LIMS1: variants seen among roughly 807,000 people sequenced by gnomAD.
The protein encoded by LIMS1 is LIM zinc finger domain containing 1, also known as LIM and senescent cell antigen-like-containing domain protein 1.
A neutral mutation model predicts 44.1 loss-of-function variants in LIMS1; 18 were observed. That is an observed-to-expected ratio of 0.41 (90% CI 0.28 to 0.61). LIMS1 has a LOEUF of 0.61. Ranked by LOEUF, LIMS1 falls within the 20% of genes least tolerant of loss-of-function variation. LIMS1 has a pLI of 0.32. For synonymous variants in LIMS1, 93 were observed against 149.1 expected, an observed-to-expected ratio of 0.62 and a Z score of 2.74; for missense variants, 201 against 422.0, an observed-to-expected ratio of 0.48 and a Z score of 4.59.
chr2:108,552,207 A>AAT (rs1175510204), intron 1 of LIMS1, among the ~76,000 whole-genome samples: 6 of 144,716 alleles, frequency 4.1e-5, no homozygotes, highest in Non-Finnish European at 9.0e-5. Flanking sequence ...TAAAATATAC[A>AAT]ATATATAATA....
At chr2:108,615,424 G>A (rs191398051) in intron 1 of LIMS1, among the ~76,000 whole-genome samples, 27 of 152,244 alleles carry the variant, frequency 1.8e-4, no homozygotes, top group African/African-American at 4.6e-4. Flanking sequence ...AAAGGTCAGC[G>A]CTCTGTTGAG....
intron 1 of LIMS1, among the ~76,000 whole-genome samples, chr2:108,616,777 G>A (rs1687956302): frequency 6.6e-6 from 1 of 152,176 alleles, no homozygotes. Flanking sequence ...TTCTGCAGCA[G>A]ATATATAGCC....
In LIMS1 at chr2:108,535,967, C is replaced by G. The variant is rs187913020; in HGVS notation, c.32+1373C>G. On this transcript the variant is annotated intron_variant, in intron 1 of 9. Coordinates refer to ENST00000544547, the Ensembl canonical transcript of LIMS1. Reference sequence around the variant, plus strand: ...CAAGTAACAAAAAAGAGTCAAAGCTCAAGATTTGATAACAATAATTTGTAC... The same window carrying G: ...CAAGTAACAAAAAAGAGTCAAAGCTGAAGATTTGATAACAATAATTTGTAC... Among the ~76,000 whole-genome samples the G allele has an allele frequency of 2.2e-3, 329 of 151,404 alleles. 1 individual carries two copies. Among genetic ancestry groups the G allele is most frequent in the Non-Finnish European group, 3.3e-3 (223 of 67,998 alleles).
At chr2:108,556,857 A>G (rs2104602173) in intron 1 of LIMS1, among the ~76,000 whole-genome samples, 1 of 152,334 alleles carries the variant, frequency 6.6e-6, no homozygotes, top group South Asian at 2.1e-4. Flanking sequence ...ACCTGTGATC[A>G]GTCAAGCAGC....
intron 1 of LIMS1, among the ~76,000 whole-genome samples, chr2:108,598,747 C>G (rs1365455480): frequency 2.0e-5 from 3 of 152,146 alleles, no homozygotes; most frequent in Non-Finnish European, 4.4e-5. Flanking sequence ...CCTGGTCTTT[C>G]AAAAAGCTGT....
At chr2:108,682,458 C>T (rs1412099963) in intron 9 of LIMS1, among the ~76,000 whole-genome samples, 1 of 152,056 alleles carries the variant, frequency 6.6e-6, no homozygotes, top group African/African-American at 2.4e-5. Flanking sequence ...CGAGATCGTG[C>T]CACTGCATTC....
intron 1 of LIMS1, among the ~76,000 whole-genome samples, chr2:108,597,822 A>G (rs75645228): frequency 1.4e-4 from 21 of 150,434 alleles, no homozygotes; most frequent in African/African-American, 3.7e-4. Context: ...CCTCCCGAAT[A>G]GCTGGGATTA....
At position 108,680,677 on chromosome 2, in the gene LIMS1, T is replaced by G. The variant is rs769374563; in HGVS notation, c.824-18T>G. 1.1e-5 allele frequency: 17 copies of G among 1,607,698 alleles called. No individual in the cohort carries two copies. The highest frequency in any genetic ancestry group is 2.3e-4 in the Middle Eastern group (1 of 4,430). ...TGATGTATTTCCATGTGACCAGATC[T>G]CTTTCCTCTTTCTCCAGTGGTCTCT... On this transcript the variant is annotated intron_variant, in intron 8 of 9. Coordinates refer to ENST00000544547, the Ensembl canonical transcript of LIMS1.
intron 1 of LIMS1, among the ~76,000 whole-genome samples, chr2:108,632,785 G>A (rs2148898069): frequency 6.6e-6 from 1 of 152,282 alleles, no homozygotes; most frequent in African/African-American, 2.4e-5. Context: ...ACTGGCTCAG[G>A]CTACTTAAAT....
chr2:108,621,178 G>A, intron 1 of LIMS1: 1 of 1,181,524 alleles, frequency 8.5e-7, no homozygotes, highest in Non-Finnish European at 1.1e-6. Context: ...TGCTGAGGAG[G>A]GTGTGTACCA....
intron 1 of LIMS1, among the ~76,000 whole-genome samples, chr2:108,546,269 C>CTTTTTTTTTTT (rs35959257): frequency 6.6e-5 from 6 of 90,866 alleles, no homozygotes; most frequent in African/African-American, 1.3e-4. Context: ...AGGCTACCGC[C>CTTTTTTTTTTT]TTTTTTTTTT....
chr2:108,558,185 GTT>G (rs1244683522), intron 1 of LIMS1, among the ~76,000 whole-genome samples: 3 of 151,702 alleles, frequency 2.0e-5, no homozygotes, highest in African/African-American at 4.8e-5. Context: ...TGTAGTATCG[GTT>G]ATATCAGCCC....
chr2:108,610,853 TAAAC>T (rs1476208693), intron 1 of LIMS1, among the ~76,000 whole-genome samples: 2 of 152,212 alleles, frequency 1.3e-5, no homozygotes, highest in African/African-American at 4.8e-5. Context: ...ATTTTTAAAA[TAAAC>T]CTTATTTTGG....
At chr2:108,601,044 C>T (rs1686988482) in intron 1 of LIMS1, among the ~76,000 whole-genome samples, 1 of 152,086 alleles carries the variant, frequency 6.6e-6, no homozygotes, top group Non-Finnish European at 1.5e-5. Flanking sequence ...AGCGATTCTC[C>T]TGCCTCAAGC....
intron 9 of LIMS1, among the ~76,000 whole-genome samples, chr2:108,682,483 G>GAGT (rs1362520761): frequency 1.3e-5 from 2 of 152,180 alleles, no homozygotes; most frequent in African/African-American, 4.8e-5. Flanking sequence ...CTGGGCGACA[G>GAGT]AGTGAGACTC....
chr2:108,565,734 C>T (rs147553171), intron 1 of LIMS1, among the ~76,000 whole-genome samples: 87 of 152,264 alleles, frequency 5.7e-4, no homozygotes, highest in African/African-American at 2.0e-3. Context: ...CAGAAACTTA[C>T]ATTTCACAGT....
chr2:108,534,615 C>T (rs953777032), intron 1 of LIMS1, 21 bp downstream of exon 1: 6 of 1,120,238 alleles, frequency 5.4e-6, no homozygotes, highest in African/African-American at 5.0e-5. Flanking sequence ...CACCGCGCGG[C>T]CCCCGCCACG....
intron 2 of LIMS1, among the ~76,000 whole-genome samples, chr2:108,668,269 A>G (rs1573600685): frequency 6.6e-6 from 1 of 152,220 alleles, no homozygotes; most frequent in South Asian, 2.1e-4. Context: ...GAAATGCAAT[A>G]TATTATTAAC....
At chr2:108,582,998 G>A (rs1386578268) in intron 1 of LIMS1, among the ~76,000 whole-genome samples, 3 of 151,808 alleles carry the variant, frequency 2.0e-5, no homozygotes, top group African/African-American at 7.3e-5. Context: ...TTAAGACAAT[G>A]GTTAGAATAT....
Sources: gnomAD v4.1 joint callset for allele counts (sites outside exome capture counted in the v4.1 genomes callset) on GRCh38, gnomAD v4.1.1 for gene constraint, MANE v1.5 for transcripts, NCBI Gene and HGNC (gene_info 2026-07-23, HGNC 2026-07-21) for gene names.